Variants in GRM1 observed in about 807,000 individuals in gnomAD.
GRM1 encodes the protein metabotropic glutamate receptor 1.
GRM1 carries 33 observed loss-of-function variants against 90.9 expected under a neutral mutation model. That is an observed-to-expected ratio of 0.36 (90% CI 0.28 to 0.49). The LOEUF (loss-of-function observed/expected upper bound fraction) is 0.49. Ranked by LOEUF, GRM1 falls within the 20% of genes least tolerant of loss-of-function variation. GRM1 has a pLI of 0.99. For synonymous variants in GRM1, 700 were observed against 613.2 expected (o/e 1.14, Z -2.09); for missense variants, 1,190 against 1,534.3 (o/e 0.78, Z 3.75).
At chr6:146,076,634 A>C (rs1306422044) in intron 1 of GRM1, among the ~76,000 whole-genome samples, 1 of 152,152 alleles carries the variant, frequency 6.6e-6, no homozygotes, top group African/African-American at 2.4e-5. Flanking sequence ...CAGTGGAGCA[A>C]GTTTGGAGGC....
chr6:146,119,670 T>A (rs1301315089), intron 1 of GRM1, among the ~76,000 whole-genome samples: 1 of 152,210 alleles, frequency 6.6e-6, no homozygotes, highest in Non-Finnish European at 1.5e-5. Context: ...ATTAGCCAGT[T>A]TTCCCAGCAC....
Position 146,357,576 on chromosome 6 carries a change from T to C in GRM1, c.1484T>C (p.Val495Ala). Residue 495 changes from valine (V) to alanine (A), a missense_variant, in exon 5 of 8, where the codon GTG becomes GCG. Physicochemically the swap from Val to Ala is moderately conservative, Grantham distance 64 (BLOSUM62 0). This residue lies in a region of GRM1 where 414 missense variants were observed against 598.4 expected (regional missense o/e 0.69). Transcript: ENST00000282753. The stretch of plus-strand genomic sequence containing the variant: ...ACTGAAGCTAATCGCTATGACTATG[T>C]GCACGTTGGAACCTGGCATGAAGGA... Reference protein sequence around the residue: ...QYTEANRYDYVHVGTWHEGVL... With the variant: ...QYTEANRYDYAHVGTWHEGVL... The C allele has an allele frequency of 1.2e-6, 2 of 1,613,828 alleles. No individual in the cohort carries two copies. The highest frequency in any genetic ancestry group is 1.7e-6 in the Non-Finnish European group (2 of 1,179,662).
At chr6:146,036,215 A>C (rs559007215) in intron 1 of GRM1, among the ~76,000 whole-genome samples, 12 of 152,090 alleles carry the variant, frequency 7.9e-5, no homozygotes, top group African/African-American at 2.9e-4. Context: ...TTCGGCATAC[A>C]CTTTTTTAAG....
At chr6:146,358,779 T>C (rs1276395215) in intron 5 of GRM1, among the ~76,000 whole-genome samples, 1 of 152,168 alleles carries the variant, frequency 6.6e-6, no homozygotes, top group Non-Finnish European at 1.5e-5. Context: ...GTACCAGCTT[T>C]TGGCAGCTGA....
chr6:146,126,533 T>G (rs1228575674), intron 1 of GRM1, among the ~76,000 whole-genome samples: 1 of 152,140 alleles, frequency 6.6e-6, no homozygotes, highest in Non-Finnish European at 1.5e-5. Context: ...AATCAAAATA[T>G]TCTTTGAACT....
chr6:146,210,481 G>A (rs1257806671), intron 2 of GRM1, among the ~76,000 whole-genome samples: 1 of 152,144 alleles, frequency 6.6e-6, no homozygotes, highest in Non-Finnish European at 1.5e-5. Flanking sequence ...TAGTAACACA[G>A]ACAATTTAGT....
intron 2 of GRM1, among the ~76,000 whole-genome samples, chr6:146,205,173 T>C (rs1779451738): frequency 6.6e-6 from 1 of 152,200 alleles, no homozygotes; most frequent in South Asian, 2.1e-4. Context: ...AAAAAATATC[T>C]ATAATACTCA....
chr6:146,160,038 T>C (rs1777667345), intron 2 of GRM1: 1 of 165,264 alleles, frequency 6.1e-6, no homozygotes, highest in Non-Finnish European at 1.3e-5. Context: ...TATGTCTTGA[T>C]CTGGAGAATT....
chr6:146,280,617 G>A (rs7750079), intron 2 of GRM1, among the ~76,000 whole-genome samples: 17,487 of 151,724 alleles, frequency 0.12, 2,005 homozygotes, highest in African/African-American at 0.3. Context: ...TCATTACTTC[G>A]TTTACATTTA....
chr6:146,031,897 A>C (rs1459292762), intron 1 of GRM1, among the ~76,000 whole-genome samples: 2 of 152,184 alleles, frequency 1.3e-5, no homozygotes, highest in African/African-American at 4.8e-5. Context: ...ATATTTAATA[A>C]TATTTCCCCC....
chr6:146,155,729 T>C (rs546475250), intron 1 of GRM1, among the ~76,000 whole-genome samples: 1 of 152,274 alleles, frequency 6.6e-6, no homozygotes, highest in Non-Finnish European at 1.5e-5. Context: ...GATAAAAGCC[T>C]CCTGGGATGA....
At chr6:146,309,006 TA>T (rs1409175922) in intron 3 of GRM1, among the ~76,000 whole-genome samples, 2 of 152,170 alleles carry the variant, frequency 1.3e-5, no homozygotes, top group African/African-American at 4.8e-5. Flanking sequence ...AGTGATATAA[TA>T]AAAAAATTTT....
intron 2 of GRM1, among the ~76,000 whole-genome samples, chr6:146,301,458 G>C (rs982964953): frequency 5.3e-5 from 8 of 152,094 alleles, no homozygotes; most frequent in Non-Finnish European, 1.0e-4. Flanking sequence ...TACAAACTAA[G>C]CTGTCATGTG....
At chr6:146,426,525 G>T (rs775614878) in intron 7 of GRM1, 1 of 1,593,690 alleles carries the variant, frequency 6.3e-7, no homozygotes, top group Non-Finnish European at 8.6e-7. Flanking sequence ...TAACCCCCTC[G>T]CTCACTGGGT....
intron 3 of GRM1, among the ~76,000 whole-genome samples, chr6:146,306,054 G>A (rs1196665191): frequency 6.6e-6 from 1 of 152,176 alleles, no homozygotes; most frequent in Non-Finnish European, 1.5e-5. Context: ...ATCAATGTAT[G>A]TTTGGCTTCA....
intron 3 of GRM1, among the ~76,000 whole-genome samples, chr6:146,343,279 C>G (rs1020601799): frequency 6.6e-6 from 1 of 152,122 alleles, no homozygotes; most frequent in Non-Finnish European, 1.5e-5. Context: ...CAGCTAAGGT[C>G]GTGTTTACCA....
At chr6:146,303,107 T>C (rs2114921633) in intron 2 of GRM1, among the ~76,000 whole-genome samples, 1 of 152,258 alleles carries the variant, frequency 6.6e-6, no homozygotes, top group East Asian at 1.9e-4. Context: ...GCAGCTCATG[T>C]GTGGTTCAAT....
intron 1 of GRM1, among the ~76,000 whole-genome samples, chr6:146,079,508 A>G (rs1458589382): frequency 6.6e-6 from 1 of 152,222 alleles, no homozygotes. Flanking sequence ...AAACTTTATA[A>G]GAAACACCTC....
chr6:146,134,774 C>G (rs1021460830), intron 1 of GRM1, among the ~76,000 whole-genome samples: 1 of 152,012 alleles, frequency 6.6e-6, no homozygotes, highest in Non-Finnish European at 1.5e-5. Flanking sequence ...ACTAAAAATA[C>G]AAAAAATGTA....
Sources: allele counts gnomAD v4.1 joint callset (sites outside exome capture counted in the v4.1 genomes callset), GRCh38; gene constraint gnomAD v4.1.1; regional missense constraint gnomAD v4.1.1; transcripts MANE v1.5; gene names NCBI Gene and HGNC (gene_info 2026-07-23, HGNC 2026-07-21).